P2RY8: variants seen among roughly 807,000 people sequenced by gnomAD.
P2RY8 encodes the protein P2Y receptor family member 8, also known as S-geranylgeranyl-glutathione receptor P2RY8.
Under a neutral mutation model 10.0 loss-of-function variants are expected in P2RY8, and 6 were observed. The observed-to-expected ratio is 0.60, with a 90% CI of 0.33 to 1.19. The LOEUF is 1.19. Ranked by LOEUF, P2RY8 falls within the 50% of genes most tolerant of loss-of-function variation. P2RY8 has a pLI of 0.04. For synonymous variants in P2RY8, 276 were observed against 252.5 expected (o/e 1.09, Z -0.88); for missense variants, 456 against 542.0 (o/e 0.84, Z 1.58).
chrX:1,530,457 C>CATGT (rs1158453136), intron 1 of P2RY8, among the ~76,000 whole-genome samples: 3 of 148,312 alleles, frequency 2.0e-5, no homozygotes, highest in African/African-American at 2.5e-5. Context: ...TCTATTTATC[C>CATGT]ATGTATGTAT....
intron 1 of P2RY8, among the ~76,000 whole-genome samples, chrX:1,510,432 C>A (rs1397413051): frequency 6.6e-6 from 1 of 152,180 alleles, no homozygotes; most frequent in Non-Finnish European, 1.5e-5. Flanking sequence ...CAGATGCTCA[C>A]TCACGGATCC....
At chrX:1,503,013 T>C (rs1255054590) in intron 1 of P2RY8, among the ~76,000 whole-genome samples, 7 of 151,928 alleles carry the variant, frequency 4.6e-5, no homozygotes, top group Admixed American at 4.6e-4. Flanking sequence ...ACTTTGCAGA[T>C]TTAATGAGTT....
intron 1 of P2RY8, among the ~76,000 whole-genome samples, chrX:1,531,680 C>T (rs2092476671): frequency 6.6e-6 from 1 of 152,156 alleles, no homozygotes; most frequent in Admixed American, 6.6e-5. Context: ...GCTAGAAAAT[C>T]ACACATCCTG....
In P2RY8 at chrX:1,532,719, C is replaced by T. The variant is rs141938468; in HGVS notation, c.-25+4202G>A. Among the ~76,000 whole-genome samples the T allele has an allele frequency of 1.1e-3, 165 of 151,910 alleles. 3 individuals carry two copies. The East Asian group carries it at 0.03, about 28-fold the overall frequency. On this transcript the variant is annotated intron_variant, in intron 1 of 1. Coordinates refer to ENST00000381297, the MANE Select transcript of P2RY8 (RefSeq NM_178129.5). ...ATGCAAAGGCATAAGAATGCCACAACGGCCGGATGCGGTGGCTCACACCTG... is the reference window on the plus strand; with the variant it reads ...ATGCAAAGGCATAAGAATGCCACAATGGCCGGATGCGGTGGCTCACACCTG...
rs190732805 is a variant in P2RY8, at chrX:1,494,635, T to C, written c.-24-28053A>G. On this transcript the variant is annotated intron_variant, in intron 1 of 1. Coordinates refer to ENST00000381297, the MANE Select transcript of P2RY8 (RefSeq NM_178129.5). ...GGGTTAAACTTAAGGACAGCTTCTC[T>C]TGGATATATTGGATATTACTTTATG... is the stretch of plus-strand genomic sequence containing the variant. 3.5e-3 allele frequency among the ~76,000 whole-genome samples: 533 copies of C among 152,326 alleles called. 2 individuals are homozygous for C. The highest frequency in any genetic ancestry group is 0.012 in the African/African-American group (505 of 41,582).
chrX:1,483,870 G>T lies in P2RY8; in HGVS notation c.-24-17288C>A, dbSNP rs1603456702. Among the ~76,000 whole-genome samples, 8 of 147,380 alleles carry T rather than the reference G, an allele frequency of 5.4e-5. 2 individuals are homozygous for T. On this transcript the variant is annotated intron_variant, in intron 1 of 1. Coordinates refer to ENST00000381297, the MANE Select transcript of P2RY8 (RefSeq NM_178129.5). ...TGACCTCCTTTAAACCTGAAGCTGG[G>T]CTGCCTTAGACCAAAAGCTGGGCTC...
rs1368900280 is a variant in P2RY8 at position 1,475,158 on chromosome X, T to A, written c.-24-8576A>T. The stretch of plus-strand genomic sequence containing the variant: ...GGATCAGTGTTTAGGTGGCTGGATT[T>A]ATGGGTGGATGAATGGATGGGTTGA... On this transcript the variant is annotated intron_variant, in intron 1 of 1. Coordinates refer to ENST00000381297, the MANE Select transcript of P2RY8 (RefSeq NM_178129.5). Among the ~76,000 whole-genome samples, 7 of 146,906 alleles carry A rather than the reference T, an allele frequency of 4.8e-5. No individual in the cohort carries two copies. In the East Asian group the frequency reaches 1.2e-3, roughly 26 times the overall value.
At position 1,466,391 on chromosome X, in the gene P2RY8, G is replaced by A; in HGVS notation, c.168C>T (p.Ser56=). The stretch of plus-strand genomic sequence containing the variant: ...GGTTGATCATGAAGATGACCGACGG[G>A]GATCTGGGCCCCATGCGCCGGCACA... The part of the protein sequence containing the change: ...WVLCRRMGPR[S]PSVIFMINLS... Residue 56 remains serine, a synonymous_variant, in exon 2 of 2, where the codon TCC becomes TCT. Transcript: ENST00000381297. The A allele has an allele frequency of 6.2e-7, 1 of 1,613,622 alleles. No homozygotes were observed. The highest frequency in any genetic ancestry group is 8.5e-7 in the Non-Finnish European group (1 of 1,179,854).
Position 1,493,454 on chromosome X carries a change from AAGGAGGG to A in P2RY8, c.-24-26879_-24-26873del, listed in dbSNP as rs1419568208. On this transcript the variant is annotated intron_variant, in intron 1 of 1. Coordinates refer to ENST00000381297, the MANE Select transcript of P2RY8 (RefSeq NM_178129.5). ...AGGGAGGGAAGGAGGAGGAAGGAGG[AAGGAGGG>A]AGGAGGGAGGGAGGGAAGGAAGGAA... Among the ~76,000 whole-genome samples the A allele has an allele frequency of 1.0e-3, 70 of 68,662 alleles. 7 individuals carry two copies. The highest frequency in any genetic ancestry group is 7.3e-3 in the South Asian group (10 of 1,376). The allele number at this position is 68,662 out of a possible 152,430, so 45.0% of individuals were successfully genotyped here.
intron 1 of P2RY8, among the ~76,000 whole-genome samples, chrX:1,494,530 G>A (rs1386037197): frequency 6.6e-6 from 1 of 150,514 alleles, no homozygotes; most frequent in Admixed American, 6.6e-5. Context: ...TTTCAATTAG[G>A]CTTTAAAAAA....
chrX:1,463,078 T>C lies in P2RY8; in HGVS notation c.*2401A>G. ...TGTCGAGGAAGGATATTGTCTCGGC[T>C]TCCTCTGACTCAAGCTCTCATTTTT... On this transcript the variant is annotated 3_prime_UTR_variant, in exon 2 of 2. Transcript: ENST00000381297. 4.3e-6 allele frequency: 1 copy of C among 233,182 alleles called. No individual in the cohort carries two copies. Among genetic ancestry groups the C allele is most frequent in the Non-Finnish European group, 8.5e-6 (1 of 118,004 alleles). 14.4% of individuals were successfully genotyped at this position (233,182 alleles called of 1,614,324 possible).
chrX:1,514,691 C>CT (rs1362600167), intron 1 of P2RY8, among the ~76,000 whole-genome samples: 2 of 392 alleles, frequency 5.1e-3, no homozygotes, highest in Non-Finnish European at 0.017. Context: ...CTTCCCTTCC[C>CT]TTCCTTCCCT....
intron 1 of P2RY8, among the ~76,000 whole-genome samples, chrX:1,476,023 C>T (rs1268053372): frequency 2.0e-4 from 31 of 152,182 alleles, no homozygotes; most frequent in Admixed American, 3.9e-4. Context: ...GCCAAGACAT[C>T]TTCTTGACCT....
In P2RY8 at chrX:1,521,056, G is replaced by A. The variant is rs187554845; in HGVS notation, c.-25+15865C>T. Among the ~76,000 whole-genome samples the A allele has an allele frequency of 4.2e-5, 3 of 72,154 alleles. No individual in the cohort carries two copies. The East Asian group carries it at 1.2e-3, about 28-fold the overall frequency. 47.3% of individuals were successfully genotyped at this position (72,154 alleles called of 152,430 possible). A position where few individuals can be genotyped will look rare whatever the true frequency, so the allele number is the denominator to read the frequency against. ...TTTCTTTTTTTTTTTTTTTTTTTGA[G>A]ACAGAGTCTCACACTGTCGCCAGGC... is the stretch of plus-strand genomic sequence containing the variant. On this transcript the variant is annotated intron_variant, in intron 1 of 1. Coordinates refer to ENST00000381297, the MANE Select transcript of P2RY8 (RefSeq NM_178129.5).
chrX:1,536,467 A>G (rs2092528014), intron 1 of P2RY8, among the ~76,000 whole-genome samples: 1 of 151,904 alleles, frequency 6.6e-6, no homozygotes. Context: ...TCACCGTGTT[A>G]GCCAGGATGG....
At chrX:1,527,065 T>C (rs1213459105) in intron 1 of P2RY8, among the ~76,000 whole-genome samples, 1 of 152,174 alleles carries the variant, frequency 6.6e-6, no homozygotes, top group African/African-American at 2.4e-5. Context: ...GGCTAATTTT[T>C]GTATTTTTTA....
At chrX:1,529,689 T>TATCA (rs2092460205) in intron 1 of P2RY8, among the ~76,000 whole-genome samples, 1 of 152,144 alleles carries the variant, frequency 6.6e-6, no homozygotes, top group South Asian at 2.1e-4. Context: ...CTATCATATC[T>TATCA]ATCATTTATC....
chrX:1,534,775 C>CTG (rs1188001047), intron 1 of P2RY8, among the ~76,000 whole-genome samples: 1 of 152,148 alleles, frequency 6.6e-6, no homozygotes, highest in Non-Finnish European at 1.5e-5. Flanking sequence ...CCACTGGCAA[C>CTG]AGCTACCCTG....
At chrX:1,468,479 C>T (rs780327960) in intron 1 of P2RY8, among the ~76,000 whole-genome samples, 3 of 152,202 alleles carry the variant, frequency 2.0e-5, no homozygotes, top group African/African-American at 7.2e-5. Context: ...CTGAGGAACG[C>T]GCATGACTAA....
Sources: gnomAD v4.1 joint callset for allele counts (sites outside exome capture counted in the v4.1 genomes callset) on GRCh38, gnomAD v4.1.1 for gene constraint, MANE v1.5 for transcripts, NCBI Gene and HGNC (gene_info 2026-07-23, HGNC 2026-07-21) for gene names.